IKZF2: variants seen among roughly 807,000 people sequenced by gnomAD.
IKZF2 encodes zinc finger protein Helios.
In IKZF2, 15 loss-of-function variants were observed where a neutral mutation model predicts 49.2. That is an observed-to-expected ratio of 0.30 (90% CI 0.20 to 0.47). The LOEUF (loss-of-function observed/expected upper bound fraction) is 0.47, where lower values mean the gene tolerates loss of function less well. Ranked by LOEUF, IKZF2 falls within the 20% of genes least tolerant of loss-of-function variation. The pLI is 1.00. For synonymous variants in IKZF2, 227 were observed against 221.4 expected (o/e 1.03, Z -0.23); for missense variants, 567 against 664.6 (o/e 0.85, Z 1.61).
At chr2:213,131,690 A>C (rs1015109895) in intron 4 of IKZF2, among the ~76,000 whole-genome samples, 2 of 152,186 alleles carry the variant, frequency 1.3e-5, no homozygotes, top group Admixed American at 6.5e-5. Flanking sequence ...GAAAAGAGTT[A>C]AAAGTTGTCT....
At chr2:213,117,015 C>A (rs2059902234) in intron 4 of IKZF2, among the ~76,000 whole-genome samples, 1 of 152,108 alleles carries the variant, frequency 6.6e-6, no homozygotes, top group South Asian at 2.1e-4. Flanking sequence ...TTGTACTCAA[C>A]AGCACTTAGG....
chr2:213,130,882 G>C (rs928292081), intron 4 of IKZF2, among the ~76,000 whole-genome samples: 3 of 152,038 alleles, frequency 2.0e-5, no homozygotes, highest in Non-Finnish European at 2.9e-5. Flanking sequence ...TACAATAAAA[G>C]ATTACTTCTT....
chr2:213,087,565 T>C (rs1451864149), intron 4 of IKZF2, among the ~76,000 whole-genome samples: 1 of 152,174 alleles, frequency 6.6e-6, no homozygotes, highest in East Asian at 1.9e-4. Context: ...TACACATGTA[T>C]ACATGTGCCA....
intron 6 of IKZF2, among the ~76,000 whole-genome samples, chr2:213,042,832 G>A (rs1010078979): frequency 6.6e-6 from 1 of 151,826 alleles, no homozygotes; most frequent in Non-Finnish European, 1.5e-5. Context: ...TGAAAGAAAA[G>A]AGCTTGGCCT....
intron 4 of IKZF2, among the ~76,000 whole-genome samples, chr2:213,131,369 C>G (rs1381225247): frequency 3.3e-5 from 5 of 152,076 alleles, no homozygotes; most frequent in African/African-American, 4.8e-5. Context: ...TCATGTATAT[C>G]TACTAAATGA....
chr2:213,149,777 A>ACC (rs112304660), intron 2 of IKZF2, among the ~76,000 whole-genome samples: 90 of 98,198 alleles, frequency 9.2e-4, no homozygotes, highest in African/African-American at 2.6e-3. Context: ...ACACTCCCTT[A>ACC]CCCCCCCCCC....
intron 4 of IKZF2, among the ~76,000 whole-genome samples, chr2:213,084,594 A>G (rs1019255931): frequency 3.8e-5 from 2 of 53,100 alleles, no homozygotes; most frequent in African/African-American, 7.9e-5. Flanking sequence ...ATGTCACTCT[A>G]AAAAAGAAAT....
At chr2:213,021,453 T>C (rs1574506588) in intron 7 of IKZF2, 4 of 190,920 alleles carry the variant, frequency 2.1e-5, no homozygotes, top group Admixed American at 1.8e-4. Flanking sequence ...ACCTTAGGGA[T>C]TGCCTTCCTA....
chr2:213,150,394 C>A, intron 1 of IKZF2, 147 bp from the exon 2 acceptor site: 2 of 290,086 alleles, frequency 6.9e-6, no homozygotes, highest in Non-Finnish European at 1.4e-5. Context: ...CATTCCAAGC[C>A]CAAATCCAGC....
intron 4 of IKZF2, among the ~76,000 whole-genome samples, chr2:213,092,425 G>A (rs1705454117): frequency 6.6e-6 from 1 of 152,084 alleles, no homozygotes; most frequent in Non-Finnish European, 1.5e-5. Context: ...AAATATAGCT[G>A]GCTAGAGTTC....
At chr2:213,021,693 A>G (rs775322927) in intron 7 of IKZF2, 3 of 479,882 alleles carry the variant, frequency 6.3e-6, no homozygotes, top group African/African-American at 3.9e-5. Context: ...GGCAGCCTAC[A>G]GACTAATGTG....
At chr2:213,099,570 T>G (rs1706412037) in intron 4 of IKZF2, among the ~76,000 whole-genome samples, 1 of 152,154 alleles carries the variant, frequency 6.6e-6, no homozygotes, top group Admixed American at 6.6e-5. Flanking sequence ...CTTCTAGCTC[T>G]AAATAATTCC....
chr2:213,076,804 G>A (rs1271462793), intron 4 of IKZF2, among the ~76,000 whole-genome samples: 1 of 152,228 alleles, frequency 6.6e-6, no homozygotes, highest in Non-Finnish European at 1.5e-5. Context: ...TCCGGAGGCT[G>A]AGGCAGGAGA....
intron 4 of IKZF2, among the ~76,000 whole-genome samples, chr2:213,118,869 G>T (rs12995119): frequency 3.1e-3 from 472 of 152,278 alleles, no homozygotes; most frequent in Admixed American, 5.4e-3. Flanking sequence ...GCATAATCTG[G>T]TACCTGAAAT....
chr2:213,055,853 T>C (rs1339343007), intron 5 of IKZF2, among the ~76,000 whole-genome samples: 1 of 152,176 alleles, frequency 6.6e-6, no homozygotes, highest in African/African-American at 2.4e-5. Flanking sequence ...GAAATAAAAC[T>C]TTTAAATAAA....
At chr2:213,101,498 T>C (rs1706654795) in intron 4 of IKZF2, among the ~76,000 whole-genome samples, 1 of 152,050 alleles carries the variant, frequency 6.6e-6, no homozygotes, top group Admixed American at 6.6e-5. Context: ...TTCCTTCACA[T>C]TGATGTTTTT....
Position 212,999,894 on chromosome 2 carries a change from CAA to C in IKZF2, c.*7464_*7465del, listed in dbSNP as rs1235453274. 6.6e-6 allele frequency: 1 copy of C among 152,164 alleles called. No individual in the cohort carries two copies. Among genetic ancestry groups the C allele is most frequent in the Non-Finnish European group, 1.5e-5 (1 of 67,782 alleles). The allele number at this position is 152,164 out of a possible 1,614,324, so 9.4% of individuals were successfully genotyped here. A position where few individuals can be genotyped will look rare whatever the true frequency, so the allele number is the denominator to read the frequency against. The stretch of plus-strand genomic sequence containing the variant: ...ATATAATCCTTTTCACAAAGTATTA[CAA>C]AGTTTCTGCAGCTTCTTTAGTTGTA... On this transcript the variant is annotated 3_prime_UTR_variant, in exon 9 of 9. Transcript: ENST00000434687.
chr2:213,014,017 T>G, intron 7 of IKZF2, 83 bp from the exon 8 acceptor site: 1 of 1,329,162 alleles, frequency 7.5e-7, no homozygotes, highest in Non-Finnish European at 1.1e-6. Context: ...CATCTCGATA[T>G]GTGTTATAAA....
At chr2:213,021,918 A>G (rs1013230148) in intron 7 of IKZF2, 75 bp downstream of exon 7, 15 of 574,274 alleles carry the variant, frequency 2.6e-5, no homozygotes, top group Admixed American at 6.2e-5. Flanking sequence ...TTTAAACAGC[A>G]TAAGATTTTA....
Sources: gnomAD v4.1 joint callset for allele counts (sites outside exome capture counted in the v4.1 genomes callset) on GRCh38, gnomAD v4.1.1 for gene constraint, MANE v1.5 for transcripts, NCBI Gene and HGNC (gene_info 2026-07-23, HGNC 2026-07-21) for gene names.